Variants in ARVCF observed in about 807,000 individuals in gnomAD.
ARVCF encodes splicing regulator ARVCF.
Under a neutral mutation model 90.9 loss-of-function variants are expected in ARVCF, and 66 were observed. That is an observed-to-expected ratio of 0.73 (90% CI 0.60 to 0.89). The LOEUF is 0.89. ARVCF is among the 40% of genes least tolerant of loss of function. The pLI is 0.00. For missense variants in ARVCF, 1,469 were observed against 1,382.3 expected (o/e 1.06, Z -1.00); for synonymous variants, 653 against 603.4 (o/e 1.08, Z -1.21).
chr22:20,006,879 C>CT (rs1944648509), intron 2 of ARVCF, among the ~76,000 whole-genome samples: 1 of 151,850 alleles, frequency 6.6e-6, no homozygotes, highest in African/African-American at 2.4e-5. Context: ...ATCTGCCTGC[C>CT]TCAGCCTCCC....
intron 18 of ARVCF, among the ~76,000 whole-genome samples, chr22:19,971,567 G>A (rs749374622): frequency 6.6e-6 from 1 of 152,200 alleles, no homozygotes; most frequent in Non-Finnish European, 1.5e-5. Context: ...GCACACAGCA[G>A]GCAGCAGGTC....
chr22:19,990,560 C>T, intron 3 of ARVCF, 25 bp downstream of exon 3: 2 of 1,584,582 alleles, frequency 1.3e-6, no homozygotes, highest in African/African-American at 2.7e-5. Flanking sequence ...CAATTTTCAC[C>T]CTTCCCAAGT....
In ARVCF at chr22:19,977,458, C is replaced by A. The variant is rs371504989; in HGVS notation, c.1827G>T (p.Arg609=). Residue 609 remains arginine, a synonymous_variant, in exon 9 of 20, where the codon CGG becomes CGT. Coordinates refer to ENST00000263207, the MANE Select transcript of ARVCF (RefSeq NM_001670.3). Reference sequence around the variant, plus strand: ...CAAAGCAGCTGGCATCATCCCGCCTCCGGCGCTGGGAGCCTACAGCACTGC... The same window carrying A: ...CAAAGCAGCTGGCATCATCCCGCCTACGGCGCTGGGAGCCTACAGCACTGC... ...PLGSAVGSQR[R]RRDDASCFGG... 3 of 1,564,680 alleles carry A rather than the reference C, an allele frequency of 1.9e-6. No individual in the cohort carries two copies. Among genetic ancestry groups the A allele is most frequent in the Non-Finnish European group, 1.7e-6 (2 of 1,155,726 alleles).
chr22:20,012,969 G>A (rs560015210), intron 1 of ARVCF, among the ~76,000 whole-genome samples: 1 of 152,376 alleles, frequency 6.6e-6, no homozygotes, highest in African/African-American at 2.4e-5. Flanking sequence ...AGGTGAGCTC[G>A]CTCTGCACTC....
At chr22:19,978,683 C>T (rs765936574) in intron 7 of ARVCF, among the ~76,000 whole-genome samples, 10 of 152,150 alleles carry the variant, frequency 6.6e-5, no homozygotes, top group South Asian at 2.1e-4. Context: ...CCACAGAGAC[C>T]CCTCCAGAGG....
intron 13 of ARVCF, 40 bp from the exon 14 acceptor site, chr22:19,973,357 C>A: frequency 6.5e-7 from 1 of 1,543,684 alleles, no homozygotes. Flanking sequence ...ACCTCTGCCC[C>A]ACCTCTCCAG....
chr22:19,972,082 G>C, intron 17 of ARVCF, 111 bp from the exon 18 acceptor site: 1 of 1,100,054 alleles, frequency 9.1e-7, no homozygotes, highest in Non-Finnish European at 1.3e-6. Flanking sequence ...GGCTTTGGGA[G>C]ACAGCCCCCA....
intron 6 of ARVCF, 92 bp downstream of exon 6, chr22:19,979,651 G>A (rs1442744942): frequency 1.4e-6 from 2 of 1,460,114 alleles, no homozygotes; most frequent in Admixed American, 2.3e-5. Flanking sequence ...GCTTTCCCAG[G>A]CGGTCGCAGG....
In ARVCF at chr22:19,973,044, G is replaced by A; in HGVS notation, c.2439-8C>T. On this transcript the variant is annotated splice_polypyrimidine_tract_variant and splice_region_variant and intron_variant, in intron 14 of 19. Transcript: ENST00000263207. ...GCTTCGCGTACCGATTGGCTGTGGG[G>A]CCGGGGGCGGGGTCAGTGGTGGCCC... 6.2e-7 allele frequency: 1 copy of A among 1,612,392 alleles called. No homozygotes were observed. The highest frequency in any genetic ancestry group is 8.5e-7 in the Non-Finnish European group (1 of 1,179,852).
intron 1 of ARVCF, among the ~76,000 whole-genome samples, chr22:20,012,218 G>T (rs927969501): frequency 1.3e-5 from 2 of 152,174 alleles, no homozygotes; most frequent in Non-Finnish European, 2.9e-5. Flanking sequence ...CCTGGGAAGG[G>T]GTCCAAGTGA....
chr22:19,986,389 C>A (rs1276640690), intron 3 of ARVCF, among the ~76,000 whole-genome samples: 2 of 152,308 alleles, frequency 1.3e-5, no homozygotes, highest in East Asian at 3.9e-4. Flanking sequence ...GAACCCAGCA[C>A]TGCTCTGAGC....
In ARVCF at chr22:19,970,498, G is replaced by T; in HGVS notation, c.*258C>A. 1 of 1,060,374 alleles carries T rather than the reference G, an allele frequency of 9.4e-7. No homozygotes were observed. Among genetic ancestry groups the T allele is most frequent in the Non-Finnish European group, 1.1e-6 (1 of 872,528 alleles). The allele number at this position is 1,060,374 out of a possible 1,614,324, so 65.7% of individuals were successfully genotyped here. A position where few individuals can be genotyped will look rare whatever the true frequency, so the allele number is the denominator to read the frequency against. On this transcript the variant is annotated 3_prime_UTR_variant, in exon 20 of 20. Coordinates refer to ENST00000263207, the MANE Select transcript of ARVCF (RefSeq NM_001670.3). ...CCCCAGCAGCCCAGTCGGCCTCCTC[G>T]GGCCTTCTGTCACTCGCTCACACAC...
At chr22:20,009,850 G>A (rs1033362694) in intron 2 of ARVCF, among the ~76,000 whole-genome samples, 4 of 152,360 alleles carry the variant, frequency 2.6e-5, no homozygotes, top group African/African-American at 9.6e-5. Flanking sequence ...CATGGCCTAC[G>A]GCTGTGATCA....
intron 2 of ARVCF, among the ~76,000 whole-genome samples, chr22:19,992,365 G>A (rs1053088432): frequency 6.6e-6 from 1 of 152,180 alleles, no homozygotes. Flanking sequence ...AGACTGAGGT[G>A]CAGACTGGGC....
rs766691537 is a variant in ARVCF, at chr22:19,981,312, C to T, written c.795G>A (p.Thr265=). 5.0e-6 allele frequency: 8 copies of T among 1,598,804 alleles called. No homozygotes were observed. Among genetic ancestry groups the T allele is most frequent in the South Asian group, 3.4e-5 (3 of 88,972 alleles). ...QAEPYGLEDD[T]RSLAADDEGG... is the part of the protein sequence containing the mutation. ...CCTCGTCATCAGCGGCCAGGCTGCG[C>T]GTGTCATCCTCCAAGCCATACGGCT... The change falls in exon 5 of 20, where the codon ACG becomes ACA. Residue 265 remains threonine, a synonymous_variant. Coordinates refer to ENST00000263207, the MANE Select transcript of ARVCF (RefSeq NM_001670.3).
At chr22:19,981,810 C>T in intron 4 of ARVCF, 73 bp from the exon 5 acceptor site, 1 of 1,548,450 alleles carries the variant, frequency 6.5e-7, no homozygotes, top group South Asian at 1.2e-5. Context: ...GTCTGGCTGG[C>T]CTTAATTTCC....
intron 14 of ARVCF, 39 bp downstream of exon 14, chr22:19,973,080 T>G: frequency 5.7e-6 from 7 of 1,234,694 alleles, no homozygotes; most frequent in Non-Finnish European, 8.0e-6. Flanking sequence ...CTCCCCCACC[T>G]CCGCGGCTCC....
At chr22:19,998,308 G>C (rs552638966) in intron 2 of ARVCF, among the ~76,000 whole-genome samples, 3 of 152,256 alleles carry the variant, frequency 2.0e-5, no homozygotes, top group Admixed American at 6.5e-5. Context: ...GAAACACCCA[G>C]GCTTCTCCTG....
At chr22:19,973,520 C>T in intron 13 of ARVCF, 123 bp downstream of exon 13, 3 of 1,457,744 alleles carry the variant, frequency 2.1e-6, no homozygotes, top group Middle Eastern at 2.2e-4. Flanking sequence ...GTTGGGACAG[C>T]GCCCAAGCGA....
Sources: gnomAD v4.1 joint callset for allele counts (sites outside exome capture counted in the v4.1 genomes callset) on GRCh38, gnomAD v4.1.1 for gene constraint, MANE v1.5 for transcripts, NCBI Gene and HGNC (gene_info 2026-07-23, HGNC 2026-07-21) for gene names.